PDXDC1: variants seen among roughly 807,000 people sequenced by gnomAD.
PDXDC1 encodes the protein pyridoxal dependent decarboxylase domain containing 1.
Under a neutral mutation model 100.1 loss-of-function variants are expected in PDXDC1, and 42 were observed. The ratio of observed to expected loss-of-function variants is 0.42; its 90% CI spans 0.33 to 0.54. The LOEUF is 0.54. Ranked by LOEUF, PDXDC1 falls within the 20% of genes least tolerant of loss-of-function variation. The pLI is 0.10. For synonymous variants in PDXDC1, 260 were observed against 371.7 expected, an observed-to-expected ratio of 0.70 and a Z score of 3.46; for missense variants, 636 against 979.2, an observed-to-expected ratio of 0.65 and a Z score of 4.68.
intron 10 of PDXDC1, 21 bp downstream of exon 10, chr16:15,017,189 A>G: frequency 6.2e-7 from 1 of 1,612,604 alleles, no homozygotes; most frequent in South Asian, 1.1e-5. Context: ...GATTTACTGA[A>G]TATTGGTGTT....
intron 12 of PDXDC1, among the ~76,000 whole-genome samples, chr16:15,021,615 C>T (rs1281020234): frequency 6.6e-6 from 1 of 152,286 alleles, no homozygotes; most frequent in Non-Finnish European, 1.5e-5. Context: ...CCCTTGAGGT[C>T]AGCACAGCTC....
Position 15,110,656 on chromosome 16 carries a change from A to C in PDXDC1, c.1400-28223A>C. On this transcript the variant is annotated intron_variant, in intron 16 of 16. Coordinates refer to the PDXDC1 transcript ENST00000535621. ...AGAAGGTGAGAAACCTGAGGGCAAG[A>C]AGCTGTTCTTTCCCTTTCCAGGGCA... 3.2e-6 allele frequency: 5 copies of C among 1,567,114 alleles called. 1 individual carries two copies. The highest frequency in any genetic ancestry group is 2.6e-6 in the Non-Finnish European group (3 of 1,153,804).
the PDXDC1 span, among the ~76,000 whole-genome samples, chr16:15,145,671 A>T: frequency 5.3e-5 from 8 of 152,242 alleles, no homozygotes; most frequent in Non-Finnish European, 1.2e-4. Flanking sequence ...CCCGGCCCCT[A>T]GGCGAGGACA....
At chr16:15,099,407 A>C (rs911841454) in intron 16 of PDXDC1, among the ~76,000 whole-genome samples, 5 of 148,234 alleles carry the variant, frequency 3.4e-5, no homozygotes, top group African/African-American at 1.3e-4. Context: ...GCAACAGAGC[A>C]AGACTTGGTC....
Position 15,035,428 on chromosome 16 carries a change from CA to C in PDXDC1, c.2003-20del. 1 of 1,505,202 alleles carries C rather than the reference CA, an allele frequency of 6.6e-7. No individual in the cohort carries two copies. The highest frequency in any genetic ancestry group is 1.2e-5 in the South Asian group (1 of 85,088). The allele number at this position is 1,505,202 out of a possible 1,614,324, so 93.2% of individuals were successfully genotyped here. A position where few individuals can be genotyped will look rare whatever the true frequency, so the allele number is the denominator to read the frequency against. On this transcript the variant is annotated intron_variant, in intron 21 of 22. Transcript: ENST00000396410. Reference sequence around the variant, plus strand: ...GCAGCCTGTGCCTGTAGCTTCTACCCAGCCCTCTCCTCTCCCGCAGGCTCTC... The same window carrying C: ...GCAGCCTGTGCCTGTAGCTTCTACCCGCCCTCTCCTCTCCCGCAGGCTCTC...
chr16:15,114,951 G>C (rs1012181026), intron 16 of PDXDC1, among the ~76,000 whole-genome samples: 5 of 115,102 alleles, frequency 4.3e-5, no homozygotes, highest in African/African-American at 1.6e-4. Flanking sequence ...TTTTTTTTGA[G>C]ACAGAGTTCT....
At chr16:15,140,843 C>T (rs2048461494), downstream of PDXDC1, among the ~76,000 whole-genome samples, 1 of 152,150 alleles carries the variant, frequency 6.6e-6, no homozygotes. Flanking sequence ...ACTGTGGCTC[C>T]GCAGGTCTGC....
rs966931628 is a variant in PDXDC1 at position 15,100,966 on chromosome 16, C to T, written c.1400-37913C>T. On this transcript the variant is annotated intron_variant, in intron 16 of 16. Coordinates refer to the PDXDC1 transcript ENST00000535621. The stretch of plus-strand genomic sequence containing the variant: ...TCCCCACTGCATCCTGCAACAGGGA[C>T]GCTATCTCAAATAGTTAATTAATTA... Among the ~76,000 whole-genome samples the T allele has an allele frequency of 3.3e-5, 5 of 152,226 alleles. No homozygotes were observed. In the South Asian group the frequency reaches 8.3e-4, roughly 25 times the overall value.
chr16:14,978,576 C>G (rs4985128), intron 1 of PDXDC1, among the ~76,000 whole-genome samples: 1 of 151,988 alleles, frequency 6.6e-6, no homozygotes, highest in African/African-American at 2.4e-5. Flanking sequence ...TTTTTTTGTT[C>G]TCGAGACAAG....
intron 1 of PDXDC1, among the ~76,000 whole-genome samples, chr16:14,987,992 C>CT (rs58211541): frequency 1.5e-4 from 20 of 134,572 alleles, no homozygotes; most frequent in African/African-American, 5.0e-4. Context: ...TTATACAATT[C>CT]TTTTTTTTTT....
chr16:15,038,895 G>A (rs112103398), downstream of PDXDC1, among the ~76,000 whole-genome samples: 46 of 152,302 alleles, frequency 3.0e-4, no homozygotes, highest in African/African-American at 8.7e-4. Flanking sequence ...ACTGCTGAGC[G>A]CCAACAGCAG....
chr16:15,133,866 C>G (rs1186621925), intron 16 of PDXDC1: 1 of 1,555,622 alleles, frequency 6.4e-7, no homozygotes, highest in Non-Finnish European at 8.7e-7. Context: ...GCAAGAGCCC[C>G]CCAGCGGCGG....
intron 16 of PDXDC1, among the ~76,000 whole-genome samples, chr16:15,071,946 G>T (rs1261846208): frequency 6.6e-6 from 1 of 152,124 alleles, no homozygotes; most frequent in Non-Finnish European, 1.5e-5. Context: ...GGGCACTCCT[G>T]TGAGTGCAAA....
intron 16 of PDXDC1, chr16:15,048,096 T>C: frequency 6.3e-7 from 1 of 1,581,212 alleles, no homozygotes; most frequent in African/African-American, 1.4e-5. Flanking sequence ...AGTCTGGCTC[T>C]TTCCTGTTTA....
chr16:15,074,549 T>A, intron 16 of PDXDC1: 1 of 457,582 alleles, frequency 2.2e-6, no homozygotes, highest in Non-Finnish European at 3.8e-6. Flanking sequence ...CCCAGTCCCA[T>A]TTTCAAGCTA....
At chr16:15,063,564 CG>C (rs1012831598) in intron 16 of PDXDC1, among the ~76,000 whole-genome samples, 3 of 151,650 alleles carry the variant, frequency 2.0e-5, no homozygotes, top group African/African-American at 7.3e-5. Context: ...AAAAATTAGC[CG>C]GGTGTGGTGG....
chr16:14,975,351 A>G, intron 1 of PDXDC1, 131 bp downstream of exon 1: 1 of 1,327,350 alleles, frequency 7.5e-7, no homozygotes, highest in Non-Finnish European at 9.6e-7. Flanking sequence ...GCCCTGCCTG[A>G]GGAGGCCTCG....
intron 11 of PDXDC1, among the ~76,000 whole-genome samples, chr16:15,018,268 G>A (rs1044857711): frequency 1.9e-4 from 29 of 152,200 alleles, no homozygotes; most frequent in Non-Finnish European, 3.5e-4. Flanking sequence ...AATTAGCTGG[G>A]CATGGTGGTG....
At chr16:15,133,810 G>T in intron 16 of PDXDC1, 4 of 1,586,352 alleles carry the variant, frequency 2.5e-6, no homozygotes, top group Non-Finnish European at 3.4e-6. Flanking sequence ...CATTCGAAGT[G>T]CACCTTGGTG....
Sources: gnomAD v4.1 joint callset for allele counts (sites outside exome capture counted in the v4.1 genomes callset) on GRCh38, gnomAD v4.1.1 for gene constraint, MANE v1.5 for transcripts, NCBI Gene and HGNC (gene_info 2026-07-23, HGNC 2026-07-21) for gene names.